RAPGEF1: variants seen among roughly 807,000 people sequenced by gnomAD.
RAPGEF1 encodes the protein CRK SH3-binding GNRP.
RAPGEF1 carries 33 observed loss-of-function variants against 143.3 expected under a neutral mutation model. That is an observed-to-expected ratio of 0.23 (90% CI 0.17 to 0.31). The LOEUF (loss-of-function observed/expected upper bound fraction) is 0.31, where lower values mean the gene tolerates loss of function less well. Among genes scored for constraint, RAPGEF1 ranks in the 10% least tolerant of loss-of-function variants. The pLI is 1.00. For missense variants in RAPGEF1, 1,199 were observed against 1,645.4 expected, an observed-to-expected ratio of 0.73 and a Z score of 4.69; for synonymous variants, 629 against 676.5, an observed-to-expected ratio of 0.93 and a Z score of 1.09.
At position 131,628,951 on chromosome 9, in the gene RAPGEF1, C is replaced by A; in HGVS notation, c.893+151G>T. On this transcript the variant is annotated intron_variant, in intron 7 of 26. Transcript: ENST00000683357. This position sits in a 1 kb window ranked among gnomAD's most constrained non-coding sequence, Gnocchi z 5.7. ...CTTCAGGAGAGCTCAGGGTGGCCAG[C>A]GAGGGCCGGCGGGGTGGGGACAGCT... 1 of 1,101,430 alleles carries A rather than the reference C, an allele frequency of 9.1e-7. No individual in the cohort carries two copies. The highest frequency in any genetic ancestry group is 1.3e-6 in the Non-Finnish European group (1 of 795,362). The allele number at this position is 1,101,430 out of a possible 1,614,324, so 68.2% of individuals were successfully genotyped here.
At chr9:131,673,613 C>G (rs1318525047) in intron 1 of RAPGEF1, among the ~76,000 whole-genome samples, 2 of 152,178 alleles carry the variant, frequency 1.3e-5, no homozygotes, top group African/African-American at 4.8e-5. Context: ...CCCTGTGACC[C>G]AAAGCACAGG....
At chr9:131,713,080 T>C (rs886863282) in intron 1 of RAPGEF1, among the ~76,000 whole-genome samples, 2 of 152,034 alleles carry the variant, frequency 1.3e-5, no homozygotes, top group Admixed American at 1.3e-4. Context: ...AACAGAAAAT[T>C]TTTCTGATTC....
chr9:131,615,058 G>A (rs1958707911), intron 12 of RAPGEF1, among the ~76,000 whole-genome samples: 2 of 152,198 alleles, frequency 1.3e-5, no homozygotes, highest in Non-Finnish European at 1.5e-5. Context: ...AGAAAGTAGT[G>A]TGCAGTATGG....
At chr9:131,690,468 AC>A (rs531089439) in intron 1 of RAPGEF1, among the ~76,000 whole-genome samples, 647 of 152,254 alleles carry the variant, frequency 4.2e-3, no homozygotes, top group Non-Finnish European at 6.4e-3. Flanking sequence ...TTTTTTCTAA[AC>A]CTTTTTTTTC....
intron 1 of RAPGEF1, among the ~76,000 whole-genome samples, chr9:131,652,150 C>T (rs947341690): frequency 1.3e-5 from 2 of 152,114 alleles, no homozygotes; most frequent in African/African-American, 2.4e-5. Context: ...CACATTTAAC[C>T]TTCACTAAAT....
At chr9:131,651,011 C>T in intron 1 of RAPGEF1, 62 bp from the exon 2 acceptor site, 1 of 1,557,270 alleles carries the variant, frequency 6.4e-7, no homozygotes, top group Non-Finnish European at 8.7e-7. Flanking sequence ...GTTCATTGAC[C>T]TTTTGTGGAA....
intron 3 of RAPGEF1, among the ~76,000 whole-genome samples, chr9:131,648,169 C>G (rs1019725823): frequency 2.6e-5 from 4 of 152,148 alleles, no homozygotes; most frequent in African/African-American, 9.7e-5. Context: ...GCGGGCAGAT[C>G]ACTTGAGGTC....
rs760942523 is a variant in RAPGEF1 at position 131,582,707 on chromosome 9, C to T, written c.3415-5G>A. On this transcript the variant is annotated splice_polypyrimidine_tract_variant and splice_region_variant and intron_variant, in intron 24 of 26. Coordinates refer to ENST00000683357, the MANE Select transcript of RAPGEF1 (RefSeq NM_001377935.1). ...TGTGCAGTACTCGGCCAGGCCCTGG[C>T]AGGACAGGACAGGACAGGACCGGAC... 5 of 1,549,056 alleles carry T rather than the reference C, an allele frequency of 3.2e-6. No homozygotes were observed. The South Asian group carries it at 6.1e-5, about 19-fold the overall frequency.
chr9:131,633,741 A>G (rs1204556837), intron 5 of RAPGEF1, among the ~76,000 whole-genome samples: 1 of 152,128 alleles, frequency 6.6e-6, no homozygotes, highest in East Asian at 1.9e-4. Flanking sequence ...TTTTAAATTT[A>G]CCACCTATCT....
intron 17 of RAPGEF1, 67 bp downstream of exon 17, chr9:131,596,231 C>T (rs371575242): frequency 1.1e-4 from 162 of 1,445,404 alleles, no homozygotes; most frequent in East Asian, 9.8e-4. Flanking sequence ...GACAGGATAG[C>T]GGTGGGAGGC....
intron 1 of RAPGEF1, among the ~76,000 whole-genome samples, chr9:131,738,721 A>G (rs1164246540): frequency 1.3e-5 from 2 of 152,206 alleles, no homozygotes; most frequent in Non-Finnish European, 2.9e-5. Context: ...TAAACCCTCA[A>G]TAAAGCCTAC....
At chr9:131,642,169 C>G (rs1968201221) in intron 4 of RAPGEF1, among the ~76,000 whole-genome samples, 1 of 152,218 alleles carries the variant, frequency 6.6e-6, no homozygotes, top group Non-Finnish European at 1.5e-5. Flanking sequence ...AAATACAGGA[C>G]AAGCTGCTAG....
intron 1 of RAPGEF1, among the ~76,000 whole-genome samples, chr9:131,715,984 T>G (rs1173926285): frequency 2.0e-5 from 3 of 151,750 alleles, no homozygotes; most frequent in African/African-American, 7.3e-5. Context: ...AGGCCCCAAG[T>G]CACTGACTCC....
intron 4 of RAPGEF1, among the ~76,000 whole-genome samples, chr9:131,639,314 T>A (rs1428026291): frequency 6.6e-6 from 1 of 152,234 alleles, no homozygotes; most frequent in Non-Finnish European, 1.5e-5. Flanking sequence ...CTTCATCATC[T>A]TCTGCACTAT....
chr9:131,662,121 G>A (rs901369439), intron 1 of RAPGEF1, among the ~76,000 whole-genome samples: 3 of 151,968 alleles, frequency 2.0e-5, no homozygotes, highest in African/African-American at 7.3e-5. Context: ...TTACATCAGC[G>A]GTGGGGCCCC....
In RAPGEF1 at chr9:131,597,663, G is replaced by A. The variant is rs1049269250; in HGVS notation, c.2613+536C>T. 2.4e-4 allele frequency among the ~76,000 whole-genome samples: 37 copies of A among 152,264 alleles called. 1 individual carries two copies. Among genetic ancestry groups the A allele is most frequent in the Admixed American group, 1.0e-3 (16 of 15,294 alleles). ...CAGGTTTGGGCCCTTTTTCACCAAC[G>A]AGGTTCTGCAGGCAAGGCACAGGAC... On this transcript the variant is annotated intron_variant, in intron 16 of 26. Transcript: ENST00000683357.
intron 3 of RAPGEF1, among the ~76,000 whole-genome samples, chr9:131,648,728 G>A (rs185667774): frequency 2.6e-5 from 4 of 152,246 alleles, no homozygotes; most frequent in African/African-American, 9.6e-5. Context: ...GTCACCTTTC[G>A]TTAAAAGAGG....
intron 5 of RAPGEF1, among the ~76,000 whole-genome samples, chr9:131,630,784 G>T (rs1369537123): frequency 6.6e-6 from 1 of 152,164 alleles, no homozygotes; most frequent in Non-Finnish European, 1.5e-5. Context: ...TGGGGGTGGG[G>T]TGAGGGCTGG....
At chr9:131,597,306 T>C (rs1229602730) in intron 16 of RAPGEF1, among the ~76,000 whole-genome samples, 1 of 152,152 alleles carries the variant, frequency 6.6e-6, no homozygotes, top group East Asian at 1.9e-4. Context: ...TTGACCTGAT[T>C]TTAAGGAAGA....
Sources: gnomAD v4.1 joint callset for allele counts (sites outside exome capture counted in the v4.1 genomes callset) on GRCh38, gnomAD v4.1.1 for gene constraint, Gnocchi (gnomAD v3.1) non-coding constraint, MANE v1.5 for transcripts, NCBI Gene and HGNC (gene_info 2026-07-23, HGNC 2026-07-21) for gene names.